FLRT1: variants seen among roughly 807,000 people sequenced by gnomAD.
The protein encoded by FLRT1 is leucine-rich repeat transmembrane protein FLRT1.
Under a neutral mutation model 30.9 loss-of-function variants are expected in FLRT1, and 14 were observed. The observed-to-expected ratio is 0.45, with a 90% CI of 0.30 to 0.71. The LOEUF is 0.71. FLRT1 is among the 30% of genes least tolerant of loss of function. The pLI is 0.08. For synonymous variants in FLRT1, 368 were observed against 430.4 expected, an observed-to-expected ratio of 0.85 and a Z score of 1.80; for missense variants, 737 against 949.2, an observed-to-expected ratio of 0.78 and a Z score of 2.94.
intron 1 of FLRT1, among the ~76,000 whole-genome samples, chr11:64,078,284 C>A (rs1288271671): frequency 6.6e-6 from 1 of 152,214 alleles, no homozygotes; most frequent in East Asian, 1.9e-4. Flanking sequence ...AGGCATGAGA[C>A]CCCTGCCCTG....
At chr11:64,088,595 C>T (rs955553152) in intron 1 of FLRT1, among the ~76,000 whole-genome samples, 3 of 144,760 alleles carry the variant, frequency 2.1e-5, no homozygotes, top group Non-Finnish European at 4.6e-5. Context: ...GGTCTCTCCT[C>T]CTCCTCCCCG....
chr11:64,110,354 TG>T (rs1287632948), intron 2 of FLRT1, among the ~76,000 whole-genome samples: 7 of 149,358 alleles, frequency 4.7e-5, no homozygotes, highest in African/African-American at 1.7e-4. Context: ...GAGGCTGAGG[TG>T]GGAGGATCAC....
chr11:64,068,182 G>C (rs1944040834), intron 1 of FLRT1, among the ~76,000 whole-genome samples: 1 of 152,228 alleles, frequency 6.6e-6, no homozygotes, highest in Non-Finnish European at 1.5e-5. Flanking sequence ...CGCTTCGGGA[G>C]TGTTGGCAAC....
At chr11:64,088,616 T>C (rs1262664269) in intron 1 of FLRT1, among the ~76,000 whole-genome samples, 1 of 152,142 alleles carries the variant, frequency 6.6e-6, no homozygotes, top group Non-Finnish European at 1.5e-5. Flanking sequence ...GGTTTTGTTT[T>C]TCCATCAGCA....
intron 2 of FLRT1, among the ~76,000 whole-genome samples, chr11:64,108,942 G>A (rs1944811597): frequency 6.6e-6 from 1 of 152,208 alleles, no homozygotes; most frequent in Admixed American, 6.5e-5. Context: ...ACAGAGGCAG[G>A]CAGGTGGGCA....
chr11:64,065,665 C>G (rs1943990227), intron 1 of FLRT1, among the ~76,000 whole-genome samples: 1 of 152,016 alleles, frequency 6.6e-6, no homozygotes, highest in Non-Finnish European at 1.5e-5. Flanking sequence ...TGGCGGCCGC[C>G]TGTAGTCCCA....
chr11:64,054,928 C>T (rs1047426940), intron 1 of FLRT1, among the ~76,000 whole-genome samples: 2 of 152,192 alleles, frequency 1.3e-5, no homozygotes, highest in African/African-American at 2.4e-5. Context: ...TCTTTCTCCC[C>T]TGCTCTTCAC....
intron 1 of FLRT1, among the ~76,000 whole-genome samples, chr11:64,089,502 C>T (rs893266730): frequency 6.6e-6 from 1 of 152,228 alleles, no homozygotes; most frequent in Non-Finnish European, 1.5e-5. Context: ...CCTGACTCCC[C>T]CAGGGCATTC....
intron 1 of FLRT1, among the ~76,000 whole-genome samples, chr11:64,044,629 G>A (rs1209885588): frequency 1.3e-5 from 2 of 152,152 alleles, no homozygotes; most frequent in East Asian, 3.9e-4. Flanking sequence ...ACTTGCCCAA[G>A]GTCACACAGA....
rs377393455 is a variant in FLRT1 at position 64,069,726 on chromosome 11, G to C, written c.-1037-33468G>C. Among the ~76,000 whole-genome samples, 14 of 152,304 alleles carry C rather than the reference G, an allele frequency of 9.2e-5. No individual in the cohort carries two copies. In the East Asian group the frequency reaches 2.1e-3, roughly 23 times the overall value. On this transcript the variant is annotated intron_variant, in intron 1 of 2. Transcript: ENST00000682287. ...GTGGTGGGGCTGGTGACACCCCCGGGCCCGGCCCCGGCAGCTGTGTCACCT... is the reference window on the plus strand; with the variant it reads ...GTGGTGGGGCTGGTGACACCCCCGGCCCCGGCCCCGGCAGCTGTGTCACCT...
chr11:64,095,466 C>T (rs1255792877), intron 1 of FLRT1, among the ~76,000 whole-genome samples: 1 of 152,102 alleles, frequency 6.6e-6, no homozygotes, highest in East Asian at 1.9e-4. Context: ...GCAAAAAATC[C>T]CTTGGCACAG....
intron 1 of FLRT1, among the ~76,000 whole-genome samples, chr11:64,094,255 C>G (rs1024253528): frequency 1.3e-5 from 2 of 152,088 alleles, no homozygotes; most frequent in Non-Finnish European, 2.9e-5. Context: ...ACGGTAAAAC[C>G]ACGTCTCTAC....
intron 1 of FLRT1, among the ~76,000 whole-genome samples, chr11:64,099,171 A>G (rs536702346): frequency 1.3e-5 from 2 of 152,334 alleles, no homozygotes; most frequent in South Asian, 2.1e-4. Context: ...ACATGAGAGT[A>G]CCCCAGAACC....
At chr11:64,041,299 C>T (rs1943482408) in intron 1 of FLRT1, among the ~76,000 whole-genome samples, 1 of 149,718 alleles carries the variant, frequency 6.7e-6, no homozygotes, top group South Asian at 2.1e-4. Context: ...CATTTATCTC[C>T]AGAAGCAAAT....
intron 2 of FLRT1, among the ~76,000 whole-genome samples, chr11:64,110,704 C>T (rs967547981): frequency 1.3e-5 from 2 of 152,126 alleles, no homozygotes; most frequent in Non-Finnish European, 2.9e-5. Flanking sequence ...GCTGGCAGGT[C>T]GTAACTCACA....
chr11:64,044,839 G>A lies in FLRT1; in HGVS notation c.-1038+8680G>A, dbSNP rs114863882. 2.6e-3 allele frequency among the ~76,000 whole-genome samples: 396 copies of A among 152,280 alleles called. 1 individual carries two copies. Among genetic ancestry groups the A allele is most frequent in the African/African-American group, 9.1e-3 (378 of 41,568 alleles). ...CTGAGCTGTCTCCTGTGGTCTAAGA[G>A]CCTCATACTTCCTCTTCCCTGCCTG... On this transcript the variant is annotated intron_variant, in intron 1 of 2. Transcript: ENST00000682287.
chr11:64,087,240 C>T (rs1944410805), intron 1 of FLRT1: 1 of 152,288 alleles, frequency 6.6e-6, no homozygotes, highest in Admixed American at 6.5e-5. Context: ...CCACTGCTCT[C>T]CTGGGCCCCT....
At chr11:64,051,617 G>A (rs528528166) in intron 1 of FLRT1, among the ~76,000 whole-genome samples, 72 of 152,306 alleles carry the variant, frequency 4.7e-4, no homozygotes, top group Admixed American at 1.3e-3. Flanking sequence ...CCATTCCTGC[G>A]TGGAGCGGGC....
intron 1 of FLRT1, among the ~76,000 whole-genome samples, chr11:64,091,842 A>G (rs1431321741): frequency 4.6e-5 from 7 of 152,192 alleles, no homozygotes; most frequent in Admixed American, 4.6e-4. Context: ...GAGGCCCAGC[A>G]CAGCCAAAGG....
Sources: gnomAD v4.1 joint callset for allele counts (sites outside exome capture counted in the v4.1 genomes callset) on GRCh38, gnomAD v4.1.1 for gene constraint, MANE v1.5 for transcripts, NCBI Gene and HGNC (gene_info 2026-07-23, HGNC 2026-07-21) for gene names.